RALGPS1: variants seen among roughly 807,000 people sequenced by gnomAD.
RALGPS1 encodes the protein ras-specific guanine nucleotide-releasing factor RalGPS1.
In RALGPS1, 19 loss-of-function variants were observed where a neutral mutation model predicts 78.8. The observed-to-expected ratio is 0.24, with a 90% CI of 0.17 to 0.35. RALGPS1 has a LOEUF of 0.35. Among genes scored for constraint, RALGPS1 ranks in the 10% least tolerant of loss-of-function variants. The pLI is 1.00. For missense variants in RALGPS1, 454 were observed against 688.3 expected (o/e 0.66, Z 3.81); for synonymous variants, 228 against 256.3 (o/e 0.89, Z 1.06).
intron 4 of RALGPS1, among the ~76,000 whole-genome samples, chr9:126,980,361 G>T (rs7044100): frequency 0.38 from 58,391 of 152,054 alleles, 12,986 homozygotes; most frequent in Non-Finnish European, 0.48. Flanking sequence ...TTTCAACCCT[G>T]GCTGTGTTTC....
chr9:127,199,639 G>A (rs2061524299), intron 14 of RALGPS1, among the ~76,000 whole-genome samples: 1 of 139,086 alleles, frequency 7.2e-6, no homozygotes. Context: ...GGGAGAGCCT[G>A]TCTGCCAGGG....
chr9:127,111,185 C>T (rs1246834014), intron 8 of RALGPS1, among the ~76,000 whole-genome samples: 2 of 152,130 alleles, frequency 1.3e-5, no homozygotes, highest in Non-Finnish European at 2.9e-5. Context: ...GGCCTTTATA[C>T]TTGCTGGTCC....
At chr9:127,109,095 T>TG (rs2054550355) in intron 8 of RALGPS1, among the ~76,000 whole-genome samples, 1 of 152,168 alleles carries the variant, frequency 6.6e-6, no homozygotes, top group Admixed American at 6.5e-5. Flanking sequence ...GCCTAGAGCC[T>TG]GAGAATCGTA....
chr9:127,204,462 T>A (rs2061822972), intron 14 of RALGPS1, among the ~76,000 whole-genome samples: 1 of 152,104 alleles, frequency 6.6e-6, no homozygotes, highest in African/African-American at 2.4e-5. Context: ...AGGTACTACT[T>A]ACCACCAAGA....
intron 14 of RALGPS1, among the ~76,000 whole-genome samples, chr9:127,208,706 C>T (rs2062069627): frequency 1.3e-5 from 2 of 152,172 alleles, no homozygotes; most frequent in African/African-American, 4.8e-5. Context: ...CCCCGCCAGT[C>T]CACTCCTCAC....
intron 8 of RALGPS1, among the ~76,000 whole-genome samples, chr9:127,116,748 A>G (rs1392946891): frequency 2.0e-5 from 3 of 152,230 alleles, no homozygotes; most frequent in Non-Finnish European, 2.9e-5. Flanking sequence ...TTCCTCAAAC[A>G]CTGGGACAAC....
chr9:127,071,634 A>C (rs2050211779), intron 8 of RALGPS1, among the ~76,000 whole-genome samples: 1 of 152,054 alleles, frequency 6.6e-6, no homozygotes, highest in African/African-American at 2.4e-5. Flanking sequence ...TTAAGGCTAT[A>C]CATTTTCCTC....
At chr9:126,943,993 A>G (rs540470) in intron 1 of RALGPS1, among the ~76,000 whole-genome samples, 152,064 of 152,370 alleles carry the variant, frequency 1, 75,882 homozygotes, top group Middle Eastern at 1. Flanking sequence ...CCCTCATTAT[A>G]AGCCTGGCAC....
At position 127,183,871 on chromosome 9, in the gene RALGPS1, C is replaced by G; in HGVS notation, c.910+9089C>G. 1 of 1,548,396 alleles carries G rather than the reference C, an allele frequency of 6.5e-7. No individual in the cohort carries two copies. The highest frequency in any genetic ancestry group is 8.7e-7 in the Non-Finnish European group (1 of 1,146,458). On this transcript the variant is annotated intron_variant, in intron 11 of 18. Transcript: ENST00000259351. This position sits in a 1 kb window ranked among gnomAD's most constrained non-coding sequence, Gnocchi z 4.0. ...CACATCTCCTTTGTTCTTGAGTCTCCCATCTCAGCAGCCTGTCACATCAAG... is the reference window on the plus strand; with the variant it reads ...CACATCTCCTTTGTTCTTGAGTCTCGCATCTCAGCAGCCTGTCACATCAAG...
intron 1 of RALGPS1, among the ~76,000 whole-genome samples, chr9:126,930,183 T>C (rs1174525007): frequency 1.3e-5 from 2 of 151,564 alleles, no homozygotes; most frequent in Non-Finnish European, 2.9e-5. Flanking sequence ...AGTTTTTTTT[T>C]TTTTTTAAAC....
At chr9:127,182,008 T>C (rs1322712011) in intron 11 of RALGPS1, among the ~76,000 whole-genome samples, 1 of 151,870 alleles carries the variant, frequency 6.6e-6, no homozygotes, top group African/African-American at 2.4e-5. Flanking sequence ...TCTGAAAATA[T>C]AAACGGGCAG....
At chr9:127,093,706 G>A (rs756069431) in intron 8 of RALGPS1, 28 of 1,611,720 alleles carry the variant, frequency 1.7e-5, no homozygotes, top group Admixed American at 5.0e-5. Context: ...CTTGTGGGCA[G>A]CACAGACATC....
At chr9:127,137,892 A>G (rs2057509692) in intron 8 of RALGPS1, among the ~76,000 whole-genome samples, 1 of 152,222 alleles carries the variant, frequency 6.6e-6, no homozygotes, top group South Asian at 2.1e-4. Flanking sequence ...CTCTGAGCCC[A>G]GGTCCCTCAT....
chr9:127,153,268 G>C (rs992569912), intron 8 of RALGPS1, among the ~76,000 whole-genome samples: 6 of 151,944 alleles, frequency 3.9e-5, no homozygotes, highest in African/African-American at 1.5e-4. Context: ...TGTGAATGCT[G>C]AAGACATAGA....
intron 7 of RALGPS1, among the ~76,000 whole-genome samples, chr9:127,065,276 G>A (rs545018780): frequency 1.3e-5 from 2 of 152,192 alleles, no homozygotes; most frequent in African/African-American, 4.8e-5. Flanking sequence ...ACCAGGCCTG[G>A]CTAATTTTTG....
chr9:127,058,163 A>G (rs1250104467), intron 7 of RALGPS1, among the ~76,000 whole-genome samples: 1 of 152,184 alleles, frequency 6.6e-6, no homozygotes, highest in Non-Finnish European at 1.5e-5. Context: ...TGAGCAAGGA[A>G]CTCAGAGGTC....
chr9:127,207,723 GTCC>G (rs2130820712), intron 14 of RALGPS1, among the ~76,000 whole-genome samples: 1 of 152,186 alleles, frequency 6.6e-6, no homozygotes, highest in East Asian at 1.9e-4. Flanking sequence ...GCCCAGCACG[GTCC>G]TCCTCCAGCT....
intron 1 of RALGPS1, among the ~76,000 whole-genome samples, chr9:126,921,606 G>T (rs1368299235): frequency 6.6e-6 from 1 of 152,232 alleles, no homozygotes; most frequent in African/African-American, 2.4e-5. Flanking sequence ...CATCAGAGAG[G>T]CAGATAGGGC....
chr9:126,963,833 A>G (rs2039168892), intron 2 of RALGPS1, among the ~76,000 whole-genome samples: 1 of 152,150 alleles, frequency 6.6e-6, no homozygotes, highest in Non-Finnish European at 1.5e-5. Context: ...ATACCATCCA[A>G]AAGAAAATCC....
Sources: gnomAD v4.1 joint callset for allele counts (sites outside exome capture counted in the v4.1 genomes callset) on GRCh38, gnomAD v4.1.1 for gene constraint, Gnocchi (gnomAD v3.1) non-coding constraint, MANE v1.5 for transcripts, NCBI Gene and HGNC (gene_info 2026-07-23, HGNC 2026-07-21) for gene names.